The following R3HDM1 variants were observed in gnomAD, a reference collection of about 807,000 sequenced individuals.
The protein encoded by R3HDM1 is R3H domain containing 1.
In R3HDM1, 46 loss-of-function variants were observed where a neutral mutation model predicts 141.1. That is an observed-to-expected ratio of 0.33 (90% confidence interval 0.26 to 0.42). The LOEUF (loss-of-function observed/expected upper bound fraction) is 0.42, where lower values mean the gene tolerates loss of function less well. Ranked by LOEUF, R3HDM1 falls within the 10% of genes least tolerant of loss-of-function variation. The pLI is 1.00. For synonymous variants in R3HDM1, 435 were observed against 472.9 expected (o/e 0.92, Z 1.04); for missense variants, 1,184 against 1,368.3 (o/e 0.87, Z 2.12).
At chr2:135,710,277 T>C in intron 23 of R3HDM1, 46 bp downstream of exon 23, 2 of 1,553,662 alleles carry the variant, frequency 1.3e-6, no homozygotes, top group Non-Finnish European at 1.8e-6. Flanking sequence ...TACATTTTTG[T>C]TACCTAAGAT....
chr2:135,570,544 A>T lies in R3HDM1; in HGVS notation c.-249-31956A>T, dbSNP rs563244835. Among the ~76,000 whole-genome samples the T allele has an allele frequency of 2.2e-4, 33 of 152,356 alleles. No homozygotes were observed. The South Asian group carries it at 5.8e-3, about 27-fold the overall frequency. On this transcript the variant is annotated intron_variant, in intron 1 of 26. Coordinates refer to ENST00000683871, the MANE Select transcript of R3HDM1 (RefSeq NM_001378107.1). ...GTTTATATACTCAAAGGGAAAGAAGAACTTTTTTGGAAAAACAAATTATGG... is the reference window on the plus strand; with the variant it reads ...GTTTATATACTCAAAGGGAAAGAAGTACTTTTTTGGAAAAACAAATTATGG...
chr2:135,661,179 A>AT lies in R3HDM1; in HGVS notation c.2029-89dup, dbSNP rs1241374057. The AT allele has an allele frequency of 4.1e-6, 6 of 1,470,840 alleles. No individual in the cohort carries two copies. The East Asian group carries it at 1.4e-4, about 34-fold the overall frequency. The allele number at this position is 1,470,840 out of a possible 1,614,324, so 91.1% of individuals were successfully genotyped here. On this transcript the variant is annotated intron_variant, in intron 18 of 26. Transcript: ENST00000683871. Reference sequence around the variant, plus strand: ...TTTCCAATGATTAGTGCTAAAAAGAATTATTACTCATTAAACTCTGATCTT... The same window carrying AT: ...TTTCCAATGATTAGTGCTAAAAAGAATTTATTACTCATTAAACTCTGATCTT...
chr2:135,650,959 A>G (rs1348266401), intron 17 of R3HDM1: 1 of 985,248 alleles, frequency 1.0e-6, no homozygotes, highest in Non-Finnish European at 1.2e-6. Flanking sequence ...TTTTAACCCT[A>G]TATAATCATT....
At chr2:135,611,120 T>TA (rs1559237295) in intron 3 of R3HDM1, among the ~76,000 whole-genome samples, 12 of 143,986 alleles carry the variant, frequency 8.3e-5, no homozygotes, top group African/African-American at 2.9e-4. Context: ...AAAATAAAAT[T>TA]TAAAAAAAAA....
chr2:135,678,787 G>A (rs1306327524), intron 20 of R3HDM1, among the ~76,000 whole-genome samples: 1 of 117,504 alleles, frequency 8.5e-6, no homozygotes, highest in African/African-American at 3.3e-5. Context: ...TGGAGACAGA[G>A]TCTCACTCTG....
chr2:135,710,941 A>G (rs892434800), intron 23 of R3HDM1, among the ~76,000 whole-genome samples: 2 of 152,212 alleles, frequency 1.3e-5, no homozygotes, highest in Non-Finnish European at 2.9e-5. Flanking sequence ...TAGATTAAAA[A>G]GTTTTGGTTG....
At chr2:135,584,493 C>G (rs1389763615) in intron 1 of R3HDM1, among the ~76,000 whole-genome samples, 2 of 152,070 alleles carry the variant, frequency 1.3e-5, no homozygotes, top group African/African-American at 4.8e-5. Flanking sequence ...GAGACACAGC[C>G]AACTCATACA....
intron 1 of R3HDM1, among the ~76,000 whole-genome samples, chr2:135,539,498 C>T (rs911032209): frequency 3.3e-5 from 5 of 151,996 alleles, no homozygotes; most frequent in Non-Finnish European, 7.4e-5. Flanking sequence ...TTATGCAGTG[C>T]GTGATTGTAT....
intron 21 of R3HDM1, among the ~76,000 whole-genome samples, chr2:135,688,703 G>A (rs1038885787): frequency 9.2e-5 from 14 of 152,194 alleles, no homozygotes; most frequent in African/African-American, 2.2e-4. Context: ...TTGGGAGGCC[G>A]AGGCGGGTGA....
At chr2:135,607,785 C>A in intron 3 of R3HDM1, 1 of 909,958 alleles carries the variant, frequency 1.1e-6, no homozygotes, top group Non-Finnish European at 1.3e-6. Context: ...TGCATCATGG[C>A]CCAGTTGTTT....
chr2:135,655,674 T>C (rs7607920), intron 18 of R3HDM1, among the ~76,000 whole-genome samples: 31,766 of 151,686 alleles, frequency 0.21, 3,846 homozygotes, highest in East Asian at 0.45. Flanking sequence ...GCCCGGCTAA[T>C]TTTTTGTATT....
chr2:135,596,739 G>A (rs2059227326), intron 1 of R3HDM1, among the ~76,000 whole-genome samples: 3 of 152,034 alleles, frequency 2.0e-5, no homozygotes, highest in African/African-American at 2.4e-5. Flanking sequence ...TCGTTTCATG[G>A]TATCGTGCAA....
intron 21 of R3HDM1, among the ~76,000 whole-genome samples, chr2:135,684,716 G>C (rs1014928753): frequency 2.6e-5 from 4 of 151,808 alleles, no homozygotes; most frequent in Non-Finnish European, 4.4e-5. Flanking sequence ...GGAATTGGGT[G>C]GTGAGTTTTA....
intron 1 of R3HDM1, 174 bp downstream of exon 1, chr2:135,531,807 C>G (rs1009030734): frequency 1.0e-6 from 1 of 985,376 alleles, no homozygotes; most frequent in Non-Finnish European, 1.2e-6. Context: ...CCAGGGCCTT[C>G]TGACGTCCCG....
At chr2:135,554,601 G>T (rs1700391796) in intron 1 of R3HDM1, among the ~76,000 whole-genome samples, 1 of 152,158 alleles carries the variant, frequency 6.6e-6, no homozygotes, top group African/African-American at 2.4e-5. Context: ...TTCTAAGGTG[G>T]CTATACCATT....
At chr2:135,677,644 T>C (rs1404610563) in intron 20 of R3HDM1, among the ~76,000 whole-genome samples, 4 of 152,178 alleles carry the variant, frequency 2.6e-5, no homozygotes, top group African/African-American at 9.6e-5. Context: ...CATTTTTACA[T>C]TTTAACATTA....
intron 1 of R3HDM1, chr2:135,576,912 TG>T (rs1191199963): frequency 4.6e-6 from 1 of 219,520 alleles, no homozygotes; most frequent in Admixed American, 6.5e-5. Flanking sequence ...ATAATGAAAA[TG>T]TTCTAAAATT....
intron 19 of R3HDM1, among the ~76,000 whole-genome samples, chr2:135,665,192 A>G (rs1194886892): frequency 1.3e-5 from 2 of 152,230 alleles, no homozygotes; most frequent in Non-Finnish European, 2.9e-5. Flanking sequence ...CATAAAATGT[A>G]TGCTTTGAAT....
At chr2:135,547,608 C>T (rs975154519) in intron 1 of R3HDM1, among the ~76,000 whole-genome samples, 1 of 151,788 alleles carries the variant, frequency 6.6e-6, no homozygotes, top group African/African-American at 2.4e-5. Context: ...TCCTTCACTG[C>T]CCTACTAGGT....
Sources: allele counts gnomAD v4.1 joint callset (sites outside exome capture counted in the v4.1 genomes callset), GRCh38; gene constraint gnomAD v4.1.1; transcripts MANE v1.5; gene names NCBI Gene and HGNC (gene_info 2026-07-23, HGNC 2026-07-21).